Variants in GRM7 observed in about 807,000 individuals in gnomAD.
GRM7 encodes metabotropic glutamate receptor 7.
A neutral mutation model predicts 84.5 loss-of-function variants in GRM7; 35 were observed. The observed-to-expected ratio is 0.41, with a 90% CI of 0.32 to 0.55. The LOEUF (loss-of-function observed/expected upper bound fraction) is 0.55, where lower values mean the gene tolerates loss of function less well. Among genes scored for constraint, GRM7 ranks in the 20% least tolerant of loss-of-function variants. GRM7 has a pLI of 0.19. For missense variants in GRM7, 1,003 were observed against 1,194.6 expected, an observed-to-expected ratio of 0.84 and a Z score of 2.36; for synonymous variants, 487 against 455.1, an observed-to-expected ratio of 1.07 and a Z score of -0.89.
At chr3:7,731,664 T>C (rs1392527362) in intron 9 of GRM7, among the ~76,000 whole-genome samples, 2 of 152,332 alleles carry the variant, frequency 1.3e-5, no homozygotes, top group East Asian at 3.9e-4. Flanking sequence ...GGCTCAGACA[T>C]GCATGATTGT....
At chr3:7,618,212 T>C (rs1697198750) in intron 8 of GRM7, among the ~76,000 whole-genome samples, 1 of 152,166 alleles carries the variant, frequency 6.6e-6, no homozygotes, top group African/African-American at 2.4e-5. Context: ...CTGGGGGTTT[T>C]AGTAAACCAC....
intron 4 of GRM7, among the ~76,000 whole-genome samples, chr3:7,345,714 A>G (rs1442902420): frequency 6.6e-6 from 1 of 152,104 alleles, no homozygotes; most frequent in East Asian, 1.9e-4. Flanking sequence ...CAGTCACTAC[A>G]ATGGGTGGAT....
chr3:7,486,397 A>G lies in GRM7; in HGVS notation c.1515+24675A>G, dbSNP rs748878420. ...AAACTGAGGACAAGTTTTGCTGTTG[A>G]GGCTTGGTCTCCAATGTGGCAGTGT... On this transcript the variant is annotated intron_variant, in intron 7 of 9. Coordinates refer to ENST00000357716, the MANE Select transcript of GRM7 (RefSeq NM_000844.4). This position sits in a 1 kb window ranked among gnomAD's most constrained non-coding sequence, Gnocchi z 5.5. 1.9e-4 allele frequency among the ~76,000 whole-genome samples: 29 copies of G among 152,128 alleles called. No homozygotes were observed. Among genetic ancestry groups the G allele is most frequent in the Non-Finnish European group, 3.5e-4 (24 of 68,018 alleles).
At chr3:7,261,435 C>G (rs1294052198) in intron 2 of GRM7, among the ~76,000 whole-genome samples, 1 of 152,020 alleles carries the variant, frequency 6.6e-6, no homozygotes, top group Non-Finnish European at 1.5e-5. Flanking sequence ...TTTCTGTTAT[C>G]CATTTGCTTG....
chr3:7,240,120 GTT>G (rs397988598), intron 2 of GRM7, among the ~76,000 whole-genome samples: 3 of 52,722 alleles, frequency 5.7e-5, no homozygotes, highest in Admixed American at 3.6e-4. Flanking sequence ...AGCATGTGAG[GTT>G]TTTTTTTTTT....
rs4054096 is a variant in GRM7, at chr3:7,559,132, CTT to C, written c.1516-19275_1516-19274del. 9.4e-3 allele frequency: 1,271 copies of C among 134,574 alleles called. 29 individuals are homozygous for C. The highest frequency in any genetic ancestry group is 0.074 in the East Asian group (335 of 4,508). The allele number at this position is 134,574 out of a possible 1,614,324, so 8.3% of individuals were successfully genotyped here. On this transcript the variant is annotated intron_variant, in intron 7 of 9. Transcript: ENST00000357716. ...AACAACACACATATATTAACAGTCG[CTT>C]TTTTTTTTTTTTTTCATTGAAATGA...
intron 4 of GRM7, among the ~76,000 whole-genome samples, chr3:7,400,377 A>G (rs1200265784): frequency 6.6e-6 from 1 of 152,202 alleles, no homozygotes; most frequent in East Asian, 1.9e-4. Context: ...TATGCATTCT[A>G]AGAACCAACC....
At chr3:7,069,355 C>T (rs1030263385) in intron 1 of GRM7, among the ~76,000 whole-genome samples, 17 of 151,996 alleles carry the variant, frequency 1.1e-4, no homozygotes, top group Non-Finnish European at 2.5e-4. Flanking sequence ...CAGCTACTGC[C>T]AACCTGGAGC....
At chr3:6,922,016 G>A (rs1413330084) in intron 1 of GRM7, among the ~76,000 whole-genome samples, 1 of 152,154 alleles carries the variant, frequency 6.6e-6, no homozygotes, top group Non-Finnish European at 1.5e-5. Context: ...CTTCTTCCAG[G>A]AACAGGTTGG....
intron 4 of GRM7, among the ~76,000 whole-genome samples, chr3:7,390,914 C>A (rs1478166907): frequency 6.6e-6 from 1 of 152,120 alleles, no homozygotes; most frequent in Non-Finnish European, 1.5e-5. Context: ...GGTGACAAAA[C>A]ACTCTGGCTA....
chr3:7,002,858 G>T (rs1268626335), intron 1 of GRM7, among the ~76,000 whole-genome samples: 1 of 152,052 alleles, frequency 6.6e-6, no homozygotes, highest in Non-Finnish European at 1.5e-5. Context: ...CAACAGATAA[G>T]TAGATAAAGA....
intron 4 of GRM7, among the ~76,000 whole-genome samples, chr3:7,343,698 T>A (rs766187418): frequency 6.6e-6 from 1 of 152,208 alleles, no homozygotes; most frequent in Non-Finnish European, 1.5e-5. Context: ...ACAATGCTTC[T>A]TTTTTAGAAA....
Position 7,711,453 on chromosome 3 carries a change from C to T in GRM7, c.2699-28904C>T, listed in dbSNP as rs77650169. On this transcript the variant is annotated intron_variant, in intron 9 of 9. Coordinates refer to ENST00000357716, the MANE Select transcript of GRM7 (RefSeq NM_000844.4). ...GTGGAACAGAATGAGGTCAGAATTG[C>T]AGTTAGAAACTGGTCCACTGGTCCA... Among the ~76,000 whole-genome samples, 623 of 152,216 alleles carry T rather than the reference C, an allele frequency of 4.1e-3. 12 individuals are homozygous for T. In the East Asian group the frequency reaches 0.079, roughly 19 times the overall value.
chr3:7,085,821 G>T (rs2125002572), intron 1 of GRM7, among the ~76,000 whole-genome samples: 1 of 152,154 alleles, frequency 6.6e-6, no homozygotes, highest in African/African-American at 2.4e-5. Flanking sequence ...TTGGAATATT[G>T]ATCTTATTCA....
intron 8 of GRM7, among the ~76,000 whole-genome samples, chr3:7,676,802 G>A (rs977657258): frequency 1.1e-4 from 16 of 152,154 alleles, no homozygotes; most frequent in African/African-American, 3.9e-4. Flanking sequence ...TGCTGTAAAG[G>A]TTTGTAGCCT....
intron 8 of GRM7, among the ~76,000 whole-genome samples, chr3:7,611,451 G>A (rs11131082): frequency 0.09 from 13,730 of 152,052 alleles, 818 homozygotes; most frequent in African/African-American, 0.16. Flanking sequence ...TCATCCCTCC[G>A]TTCTCCCTGT....
chr3:7,187,217 A>G (rs1193963847), intron 2 of GRM7, among the ~76,000 whole-genome samples: 1 of 152,010 alleles, frequency 6.6e-6, no homozygotes, highest in East Asian at 1.9e-4. Context: ...ACACACACAC[A>G]CACACACAAA....
intron 7 of GRM7, among the ~76,000 whole-genome samples, chr3:7,512,942 A>G (rs1231629386): frequency 1.3e-5 from 2 of 152,170 alleles, no homozygotes; most frequent in Non-Finnish European, 2.9e-5. Flanking sequence ...CAGGAATACC[A>G]ATTAAGTGTT....
intron 1 of GRM7, among the ~76,000 whole-genome samples, chr3:6,890,506 T>G (rs9855167): frequency 0.39 from 59,313 of 151,942 alleles, 13,727 homozygotes; most frequent in African/African-American, 0.66. Context: ...AGTCATTTAG[T>G]AGCAGGTTGT....
Sources: allele counts gnomAD v4.1 joint callset (sites outside exome capture counted in the v4.1 genomes callset), GRCh38; gene constraint gnomAD v4.1.1; non-coding constraint Gnocchi (gnomAD v3.1); transcripts MANE v1.5; gene names NCBI Gene and HGNC (gene_info 2026-07-23, HGNC 2026-07-21).